The following IMMT variants were observed in gnomAD, a reference collection of about 807,000 sequenced individuals.
The protein encoded by IMMT is MICOS complex subunit MIC60.
Under a neutral mutation model 92.7 loss-of-function variants are expected in IMMT, and 40 were observed. That is an observed-to-expected ratio of 0.43 (90% CI 0.34 to 0.56). The LOEUF (loss-of-function observed/expected upper bound fraction) is 0.56. Ranked by LOEUF, IMMT falls within the 20% of genes least tolerant of loss-of-function variation. The pLI, the probability that IMMT is intolerant of heterozygous loss-of-function variation, is 0.03. For missense variants in IMMT, 831 were observed against 912.1 expected, an observed-to-expected ratio of 0.91 and a Z score of 1.14; for synonymous variants, 322 against 336.1, an observed-to-expected ratio of 0.96 and a Z score of 0.46.
chr2:86,181,152 T>C (rs911118746), intron 2 of IMMT, 147 bp downstream of exon 2: 5 of 573,650 alleles, frequency 8.7e-6, no homozygotes, highest in South Asian at 2.5e-5. Context: ...CTCCAGAAGG[T>C]ACCCCAATAA....
intron 3 of IMMT, among the ~76,000 whole-genome samples, chr2:86,178,540 C>T (rs1244097428): frequency 6.6e-6 from 1 of 150,934 alleles, no homozygotes; most frequent in Non-Finnish European, 1.5e-5. Context: ...GCAGGAGAAT[C>T]GCTTGAACCC....
At chr2:86,150,888 T>C (rs777248594) in intron 12 of IMMT, among the ~76,000 whole-genome samples, 1 of 151,986 alleles carries the variant, frequency 6.6e-6, no homozygotes, top group Non-Finnish European at 1.5e-5. Context: ...GCATGACTTA[T>C]ATTCAATATC....
chr2:86,148,103 A>C (rs1017049149), intron 12 of IMMT, among the ~76,000 whole-genome samples: 5 of 152,234 alleles, frequency 3.3e-5, no homozygotes, highest in Non-Finnish European at 2.9e-5. Context: ...CCACATCACC[A>C]GGCTGCCTCT....
At chr2:86,155,954 A>AAT (rs1197154139) in intron 10 of IMMT, among the ~76,000 whole-genome samples, 6 of 152,320 alleles carry the variant, frequency 3.9e-5, no homozygotes, top group African/African-American at 1.4e-4. Flanking sequence ...TTGTATTGTG[A>AAT]ATATATACTC....
intron 4 of IMMT, among the ~76,000 whole-genome samples, chr2:86,171,781 A>G (rs1276121126): frequency 6.6e-6 from 1 of 151,962 alleles, no homozygotes; most frequent in Non-Finnish European, 1.5e-5. Flanking sequence ...GAGCAGGAAA[A>G]AGATTACAGT....
At chr2:86,153,601 GA>G (rs761151920) in intron 10 of IMMT, 27 bp from the exon 11 acceptor site, 69 of 1,391,740 alleles carry the variant, frequency 5.0e-5, no homozygotes, top group South Asian at 1.4e-4. Context: ...AGAACAGTTT[GA>G]AAAAAAAGAA....
chr2:86,171,393 G>A (rs771410207), intron 4 of IMMT, 48 bp from the exon 5 acceptor site: 1 of 1,562,228 alleles, frequency 6.4e-7, no homozygotes, highest in South Asian at 1.2e-5. Flanking sequence ...TGGGTTAACA[G>A]AGAAACACAC....
At chr2:86,192,170 C>A (rs967109431) in intron 1 of IMMT, among the ~76,000 whole-genome samples, 2 of 152,140 alleles carry the variant, frequency 1.3e-5, no homozygotes, top group Non-Finnish European at 2.9e-5. Flanking sequence ...GAGATTGAGA[C>A]TGCAATGAGT....
chr2:86,151,930 AT>A (rs1280272141), intron 11 of IMMT, among the ~76,000 whole-genome samples: 1 of 152,228 alleles, frequency 6.6e-6, no homozygotes, highest in Non-Finnish European at 1.5e-5. Flanking sequence ...TAAAAATCAA[AT>A]TCAAATTCTC....
chr2:86,187,985 C>G (rs1672887396), intron 1 of IMMT, among the ~76,000 whole-genome samples: 1 of 151,830 alleles, frequency 6.6e-6, no homozygotes, highest in South Asian at 2.1e-4. Flanking sequence ...TTTTACATTC[C>G]CACTAGCAAT....
chr2:86,158,337 A>G, intron 10 of IMMT: 1 of 249,222 alleles, frequency 4.0e-6, no homozygotes, highest in East Asian at 7.6e-5. Context: ...TGAGTAGCAA[A>G]TATCAGAACA....
intron 4 of IMMT, among the ~76,000 whole-genome samples, chr2:86,171,794 T>G (rs2105239424): frequency 6.6e-6 from 1 of 151,784 alleles, no homozygotes; most frequent in South Asian, 2.1e-4. Context: ...ATTACAGTTT[T>G]AAACAAAAAG....
At chr2:86,177,196 C>A (rs1229526416) in intron 3 of IMMT, among the ~76,000 whole-genome samples, 2 of 150,798 alleles carry the variant, frequency 1.3e-5, no homozygotes, top group African/African-American at 2.4e-5. Flanking sequence ...AGCCTCCTAG[C>A]GTAAAGAAAT....
At chr2:86,172,235 G>A (rs1677145493) in intron 4 of IMMT, among the ~76,000 whole-genome samples, 1 of 151,938 alleles carries the variant, frequency 6.6e-6, no homozygotes, top group South Asian at 2.1e-4. Flanking sequence ...CTCCCAAAGT[G>A]CTGGGATTAC....
intron 6 of IMMT, among the ~76,000 whole-genome samples, chr2:86,167,095 C>CAAA (rs564283707): frequency 9.7e-6 from 1 of 103,154 alleles, no homozygotes; most frequent in Non-Finnish European, 2.0e-5. Context: ...GAGACTCTCT[C>CAAA]AAAAAAAAAA....
At chr2:86,181,424 C>G (rs999220430) in intron 1 of IMMT, 52 bp from the exon 2 acceptor site, 2 of 1,278,332 alleles carry the variant, frequency 1.6e-6, no homozygotes, top group African/African-American at 2.9e-5. Context: ...AACTGGTAAG[C>G]TTTTAGGGTT....
chr2:86,164,558 G>A (rs1676529413), intron 7 of IMMT, among the ~76,000 whole-genome samples: 1 of 151,946 alleles, frequency 6.6e-6, no homozygotes, highest in African/African-American at 2.4e-5. Context: ...AGGTGTGGTG[G>A]TGGGCACCTG....
intron 12 of IMMT, among the ~76,000 whole-genome samples, chr2:86,150,091 A>C (rs890382621): frequency 2.0e-5 from 3 of 152,162 alleles, no homozygotes; most frequent in African/African-American, 7.2e-5. Flanking sequence ...TGTTCAACTC[A>C]GTTTATTTAG....
intron 7 of IMMT, 72 bp from the exon 8 acceptor site, chr2:86,162,151 C>T (rs904540506): frequency 2.3e-6 from 2 of 879,000 alleles, no homozygotes; most frequent in Non-Finnish European, 3.4e-6. Context: ...CAAGATTGAA[C>T]ACAGAAACAT....
Sources: allele counts gnomAD v4.1 joint callset (sites outside exome capture counted in the v4.1 genomes callset), GRCh38; gene constraint gnomAD v4.1.1; transcripts MANE v1.5; gene names NCBI Gene and HGNC (gene_info 2026-07-23, HGNC 2026-07-21).